The following MCF2L variants were observed in gnomAD, a reference collection of about 807,000 sequenced individuals.
MCF2L encodes guanine nucleotide exchange factor DBS.
Under a neutral mutation model 153.4 loss-of-function variants are expected in MCF2L, and 97 were observed. That is an observed-to-expected ratio of 0.63 (90% confidence interval 0.54 to 0.75). MCF2L has a LOEUF of 0.75. Ranked by LOEUF, MCF2L falls within the 30% of genes least tolerant of loss-of-function variation. The pLI, the probability that MCF2L is intolerant of heterozygous loss-of-function variation, is 0.00. For synonymous variants in MCF2L, 659 were observed against 632.2 expected, an observed-to-expected ratio of 1.04 and a Z score of -0.64; for missense variants, 1,347 against 1,495.2, an observed-to-expected ratio of 0.90 and a Z score of 1.64.
At position 113,045,067 on chromosome 13, in the gene MCF2L, T is replaced by G. The variant is rs1472545180; in HGVS notation, c.279-204T>G. ...GAAATAAGAACACACCAAAAGTGCC[T>G]GCCCTTCCGTAGATGAGAGCAGGTT... On this transcript the variant is annotated intron_variant, in intron 3 of 29. Coordinates refer to ENST00000535094, the MANE Select transcript of MCF2L (RefSeq NM_001112732.3). This position sits in a 1 kb window ranked among gnomAD's most constrained non-coding sequence, Gnocchi z 4.2. 9.9e-6 allele frequency: 10 copies of G among 1,008,408 alleles called. No homozygotes were observed. The highest frequency in any genetic ancestry group is 1.2e-5 in the Non-Finnish European group (8 of 681,984). The allele number at this position is 1,008,408 out of a possible 1,614,324, so 62.5% of individuals were successfully genotyped here.
chr13:113,037,097 A>G (rs532866177), intron 3 of MCF2L, among the ~76,000 whole-genome samples: 4 of 152,244 alleles, frequency 2.6e-5, no homozygotes, highest in Admixed American at 2.0e-4. Context: ...GGGAGGTGCA[A>G]GCGTGTCATC....
At chr13:112,962,055 GCACA>G (rs2081834597) in intron 2 of MCF2L, among the ~76,000 whole-genome samples, 1 of 96,920 alleles carries the variant, frequency 1.0e-5, no homozygotes, top group African/African-American at 3.8e-5. Context: ...ACACGGACAC[GCACA>G]CACATGCACA....
intron 1 of MCF2L, among the ~76,000 whole-genome samples, chr13:113,003,891 CT>C (rs891546633): frequency 1.6e-4 from 24 of 152,240 alleles, no homozygotes; most frequent in Admixed American, 2.6e-4. Context: ...GCGAGCCCCA[CT>C]GGCCTTGGAG....
intron 1 of MCF2L, among the ~76,000 whole-genome samples, chr13:112,990,873 C>CT: frequency 6.6e-6 from 1 of 152,352 alleles, no homozygotes; most frequent in African/African-American, 2.4e-5. Flanking sequence ...AACTGGCGTG[C>CT]TTATCAGCTT....
Position 112,987,366 on chromosome 13 carries a change from A to G in MCF2L, c.79+17908A>G, listed in dbSNP as rs372186675. On this transcript the variant is annotated intron_variant, in intron 1 of 29. Transcript: ENST00000535094. ...TCTGCCCCCTGATCCACCCAGCACA[A>G]GGTCAGCACCAGCACCCATTGGTCT... 2.0e-4 allele frequency among the ~76,000 whole-genome samples: 30 copies of G among 151,634 alleles called. No homozygotes were observed. In the East Asian group the frequency reaches 5.0e-3, roughly 25 times the overall value.
chr13:113,058,605 G>A (rs1442010413), intron 4 of MCF2L, among the ~76,000 whole-genome samples: 1 of 151,218 alleles, frequency 6.6e-6, no homozygotes, highest in Non-Finnish European at 1.5e-5. Flanking sequence ...TGGGTGCTGA[G>A]TGTTTAGTTG....
chr13:112,992,662 C>T (rs1174377573), intron 1 of MCF2L, among the ~76,000 whole-genome samples: 5 of 152,226 alleles, frequency 3.3e-5, no homozygotes, highest in African/African-American at 1.2e-4. Context: ...TCAGCCCAGT[C>T]TCGTTTTTGT....
chr13:112,979,908 G>A, intron 1 of MCF2L: 1 of 708,086 alleles, frequency 1.4e-6, no homozygotes, highest in Non-Finnish European at 2.3e-6. Context: ...TAAAAAGGTA[G>A]AGATAACTGC....
At chr13:113,003,346 G>A (rs982801599) in intron 1 of MCF2L, among the ~76,000 whole-genome samples, 25 of 151,320 alleles carry the variant, frequency 1.7e-4, no homozygotes, top group Non-Finnish European at 1.3e-4. Flanking sequence ...GTGGAGTACC[G>A]TGGAAGGCTT....
At chr13:112,915,132 G>A (rs565737265) in intron 2 of MCF2L, among the ~76,000 whole-genome samples, 27 of 152,060 alleles carry the variant, frequency 1.8e-4, no homozygotes, top group African/African-American at 5.3e-4. Flanking sequence ...CATGTTGGCC[G>A]GGCGTGGTGG....
In MCF2L at chr13:112,951,713, T is replaced by C. The variant is rs557689440; in HGVS notation, c.169+49342T>C. ...GTGTCCAGGAGGGGCCACAAGAGGG[T>C]CCTGTGGGTAGAGACAGCCCAGGTC... On this transcript the variant is annotated intron_variant, in intron 2 of 29. Transcript: ENST00000375608. This position sits in a 1 kb window ranked among gnomAD's most constrained non-coding sequence, Gnocchi z 4.8. Among the ~76,000 whole-genome samples, 14 of 151,990 alleles carry C rather than the reference T, an allele frequency of 9.2e-5. No individual in the cohort carries two copies. In the South Asian group the frequency reaches 1.9e-3, roughly 20 times the overall value.
chr13:113,096,730 G>C (rs1231949172), intron 29 of MCF2L, 44 bp from the exon 30 acceptor site: 7 of 1,553,974 alleles, frequency 4.5e-6, no homozygotes, highest in Non-Finnish European at 6.0e-6. Flanking sequence ...TGTGTGCCCG[G>C]CAGAGCCGAC....
intron 26 of MCF2L, among the ~76,000 whole-genome samples, chr13:113,093,042 CTCAA>C (rs1012534476): frequency 2.2e-4 from 34 of 152,358 alleles, no homozygotes; most frequent in African/African-American, 7.2e-4. Context: ...TCCCACTGTC[CTCAA>C]TCAGACTTTT....
At chr13:113,078,534 A>G in intron 14 of MCF2L, 98 bp downstream of exon 14, 1 of 1,339,880 alleles carries the variant, frequency 7.5e-7, no homozygotes, top group South Asian at 1.2e-5. Flanking sequence ...GGCACTGCCC[A>G]GCTACCTGGC....
chr13:112,914,944 G>A (rs924514899), intron 2 of MCF2L, among the ~76,000 whole-genome samples: 11 of 151,774 alleles, frequency 7.2e-5, no homozygotes, highest in South Asian at 2.1e-4. Flanking sequence ...ATTTTGAGTC[G>A]TAGTTGAAAA....
intron 12 of MCF2L, among the ~76,000 whole-genome samples, chr13:113,076,732 G>A (rs921990002): frequency 3.3e-5 from 5 of 152,246 alleles, no homozygotes; most frequent in African/African-American, 4.8e-5. Flanking sequence ...CTTCAGGAAG[G>A]GCCTGGCCCT....
chr13:113,095,154 T>C lies in MCF2L; in HGVS notation c.3075+519T>C, dbSNP rs535236666. The C allele has an allele frequency of 2.5e-4, 320 of 1,283,150 alleles. 3 individuals are homozygous for C. The South Asian group carries it at 4.0e-3, about 16-fold the overall frequency. The allele number at this position is 1,283,150 out of a possible 1,614,324, so 79.5% of individuals were successfully genotyped here. A position where few individuals can be genotyped will look rare whatever the true frequency, so the allele number is the denominator to read the frequency against. On this transcript the variant is annotated intron_variant, in intron 27 of 29. Coordinates refer to ENST00000535094, the MANE Select transcript of MCF2L (RefSeq NM_001112732.3). ...GATTTGCATTTGAAAAAACATTCATTGTTAATGTCAGAAGCAAGAAAAAGC... is the reference window on the plus strand; with the variant it reads ...GATTTGCATTTGAAAAAACATTCATCGTTAATGTCAGAAGCAAGAAAAAGC...
intron 2 of MCF2L, among the ~76,000 whole-genome samples, chr13:112,919,891 G>A (rs879797078): frequency 4.6e-5 from 7 of 152,198 alleles, no homozygotes; most frequent in Non-Finnish European, 1.0e-4. Context: ...CCCAAAACCA[G>A]TGTAATTTCT....
At chr13:112,976,886 G>A (rs915000700) in intron 1 of MCF2L, among the ~76,000 whole-genome samples, 6 of 152,174 alleles carry the variant, frequency 3.9e-5, no homozygotes, top group South Asian at 2.1e-4. Flanking sequence ...TCGCCCAGTC[G>A]GACAGTGCGG....
Sources: allele counts gnomAD v4.1 joint callset (sites outside exome capture counted in the v4.1 genomes callset), GRCh38; gene constraint gnomAD v4.1.1; non-coding constraint Gnocchi (gnomAD v3.1); transcripts MANE v1.5; gene names NCBI Gene and HGNC (gene_info 2026-07-23, HGNC 2026-07-21).